PTPRT: variants seen among roughly 807,000 people sequenced by gnomAD.
The protein encoded by PTPRT is receptor-type tyrosine-protein phosphatase T.
In PTPRT, 56 loss-of-function variants were observed where a neutral mutation model predicts 176.8. The observed-to-expected ratio is 0.32, with a 90% confidence interval of 0.26 to 0.40. The LOEUF is 0.40. Among genes scored for constraint, PTPRT ranks in the 10% least tolerant of loss-of-function variants. The probability of loss-of-function intolerance (pLI) is 1.00; values close to 1 mark genes in which losing one functional copy is unlikely to be tolerated. For synonymous variants in PTPRT, 783 were observed against 739.0 expected (o/e 1.06, Z -0.96); for missense variants, 1,540 against 1,908.2 (o/e 0.81, Z 3.60).
chr20:42,884,878 A>G (rs2079077853), intron 2 of PTPRT, among the ~76,000 whole-genome samples: 1 of 151,636 alleles, frequency 6.6e-6, no homozygotes, highest in Non-Finnish European at 1.5e-5. Flanking sequence ...CAGAGTCACA[A>G]CTCTTCCTGG....
chr20:42,686,786 T>G (rs2075703512), intron 6 of PTPRT, among the ~76,000 whole-genome samples: 1 of 151,834 alleles, frequency 6.6e-6, no homozygotes, highest in Non-Finnish European at 1.5e-5. Context: ...GCCACCCTGC[T>G]CAGCCCATAG....
chr20:42,081,930 G>A lies in PTPRT; in HGVS notation c.4224C>T (p.His1408=), dbSNP rs769234585. ...TGTTGTTACGCAGTGTTTTCACGAT[G>A]TGGAACACGTCAATGATGTTTTGCT... is the stretch of plus-strand genomic sequence containing the variant. ...IQQQNIIDVF[H]IVKTLRNNKS... is the part of the protein sequence containing the mutation. The change falls in exon 30 of 31, where the codon CAC becomes CAT. Residue 1408 remains histidine, a synonymous_variant. Coordinates refer to ENST00000373187, the MANE Select transcript of PTPRT (RefSeq NM_007050.6). 3.7e-6 allele frequency: 6 copies of A among 1,614,116 alleles called. No individual in the cohort carries two copies. In the East Asian group the frequency reaches 1.1e-4, roughly 30 times the overall value.
At chr20:42,045,382 ATG>A in the PTPRT span, among the ~76,000 whole-genome samples, 65 of 151,950 alleles carry the variant, frequency 4.3e-4, no homozygotes, top group African/African-American at 1.5e-3. Flanking sequence ...TGAAGGGAAA[ATG>A]TCAGTGAGTT....
intron 1 of PTPRT, among the ~76,000 whole-genome samples, chr20:43,016,498 C>T (rs749088153): frequency 6.7e-6 from 1 of 149,072 alleles, no homozygotes; most frequent in Non-Finnish European, 1.5e-5. Context: ...GCCTCTGTCT[C>T]GGTTGCTGTC....
chr20:42,824,706 G>A (rs2077963128), intron 2 of PTPRT, among the ~76,000 whole-genome samples: 1 of 151,806 alleles, frequency 6.6e-6, no homozygotes, highest in South Asian at 2.1e-4. Context: ...AAAAATACAA[G>A]AGAATATTTA....
intron 7 of PTPRT, among the ~76,000 whole-genome samples, chr20:42,659,853 C>A (rs2075192728): frequency 6.6e-6 from 1 of 152,170 alleles, no homozygotes; most frequent in Admixed American, 6.5e-5. Flanking sequence ...ATCCCATCGC[C>A]ACCACCTTTC....
rs151032603 is a variant in PTPRT at position 43,094,082 on chromosome 20, T to G, written c.88+95564A>C. ...CCTATTTCTTCTCTGTTTTTTTCTT[T>G]CTTTCTTTCTTTTTTTTTTTTTTTT... On this transcript the variant is annotated intron_variant, in intron 1 of 30. Coordinates refer to ENST00000373187, the MANE Select transcript of PTPRT (RefSeq NM_007050.6). 1.7e-3 allele frequency among the ~76,000 whole-genome samples: 243 copies of G among 140,232 alleles called. 2 individuals are homozygous for G. The highest frequency in any genetic ancestry group is 6.5e-3 in the African/African-American group (229 of 35,456). The allele number at this position is 140,232 out of a possible 152,430, so 92.0% of individuals were successfully genotyped here.
chr20:42,240,448 A>AAAAAC (rs1050129573), intron 14 of PTPRT, among the ~76,000 whole-genome samples: 3 of 152,242 alleles, frequency 2.0e-5, no homozygotes, highest in East Asian at 1.9e-4. Context: ...TGTGCTTAGA[A>AAAAAC]AAAACAAAAC....
At chr20:42,952,734 T>C (rs2146020477) in intron 1 of PTPRT, among the ~76,000 whole-genome samples, 1 of 152,314 alleles carries the variant, frequency 6.6e-6, no homozygotes, top group East Asian at 1.9e-4. Flanking sequence ...AATGCACTAT[T>C]CCATTTGGTC....
intron 6 of PTPRT, among the ~76,000 whole-genome samples, chr20:42,736,715 G>A (rs913004891): frequency 1.3e-5 from 2 of 152,216 alleles, no homozygotes; most frequent in East Asian, 1.9e-4. Flanking sequence ...GAGACACGGG[G>A]TACAATTTAT....
intron 2 of PTPRT, among the ~76,000 whole-genome samples, chr20:42,797,966 G>A (rs151230389): frequency 1.3e-5 from 2 of 152,318 alleles, no homozygotes; most frequent in East Asian, 3.9e-4. Flanking sequence ...ACCCCAGTGT[G>A]ACCCACTTAG....
intron 1 of PTPRT, among the ~76,000 whole-genome samples, chr20:43,161,088 T>C (rs1378731083): frequency 6.6e-6 from 1 of 152,184 alleles, no homozygotes; most frequent in Non-Finnish European, 1.5e-5. Flanking sequence ...ATTATACTAA[T>C]GGAAGGATGA....
intron 1 of PTPRT, among the ~76,000 whole-genome samples, chr20:43,179,320 A>G (rs1189979098): frequency 6.6e-6 from 1 of 152,232 alleles, no homozygotes; most frequent in East Asian, 1.9e-4. Flanking sequence ...GCTATAACTT[A>G]TCATATTCTC....
rs540489909 is a variant in PTPRT at position 42,078,332 on chromosome 20, G to A, written c.*2547C>T. The A allele has an allele frequency of 4.7e-6, 1 of 211,016 alleles. No homozygotes were observed. Among genetic ancestry groups the A allele is most frequent in the East Asian group, 7.1e-5 (1 of 14,076 alleles). The allele number at this position is 211,016 out of a possible 1,614,324, so 13.1% of individuals were successfully genotyped here. On this transcript the variant is annotated 3_prime_UTR_variant, in exon 31 of 31. Coordinates refer to ENST00000373187, the MANE Select transcript of PTPRT (RefSeq NM_007050.6). ...AGCAACTTTTGTCGGCTCCTTTCAT[G>A]TTCCATCCTCATGGGCCTGGAGATC...
chr20:42,924,220 C>G (rs58589364), intron 1 of PTPRT, among the ~76,000 whole-genome samples: 4,665 of 152,180 alleles, frequency 0.031, 156 homozygotes, highest in African/African-American at 0.084. Context: ...ACTTTTATAA[C>G]CTGCCTTTTA....
At chr20:42,758,733 G>GA (rs2076873005) in intron 5 of PTPRT, among the ~76,000 whole-genome samples, 1 of 152,140 alleles carries the variant, frequency 6.6e-6, no homozygotes, top group East Asian at 1.9e-4. Flanking sequence ...ACATGCATGG[G>GA]GCTGTAAGAG....
At chr20:42,880,473 C>A (rs543432185) in intron 2 of PTPRT, among the ~76,000 whole-genome samples, 5 of 152,312 alleles carry the variant, frequency 3.3e-5, no homozygotes, top group Non-Finnish European at 7.4e-5. Flanking sequence ...GATATAGAAG[C>A]AAGCCACCCA....
chr20:42,994,041 C>T (rs1046990457), intron 1 of PTPRT, among the ~76,000 whole-genome samples: 3 of 152,080 alleles, frequency 2.0e-5, no homozygotes, highest in African/African-American at 4.8e-5. Flanking sequence ...TAGTAGAAAA[C>T]TTTTGGGATG....
intron 11 of PTPRT, among the ~76,000 whole-genome samples, chr20:42,346,212 G>A (rs534942771): frequency 2.2e-4 from 34 of 152,216 alleles, no homozygotes; most frequent in Admixed American, 5.2e-4. Context: ...GAATGAGGGG[G>A]AAAGAACATT....
Sources: gnomAD v4.1 joint callset for allele counts (sites outside exome capture counted in the v4.1 genomes callset) on GRCh38, gnomAD v4.1.1 for gene constraint, MANE v1.5 for transcripts, NCBI Gene and HGNC (gene_info 2026-07-23, HGNC 2026-07-21) for gene names.